Variants in SCOC observed in about 807,000 individuals in gnomAD.
SCOC encodes short coiled-coil protein, also known as short coiled coil protein.
In SCOC, 7 loss-of-function variants were observed where a neutral mutation model predicts 9.9. The observed-to-expected ratio is 0.71, with a 90% confidence interval of 0.40 to 1.33. SCOC has a LOEUF of 1.33. Among genes scored for constraint, SCOC ranks in the 40% most tolerant of loss-of-function variants. The pLI is 0.01. For missense variants in SCOC, 66 were observed against 89.7 expected, an observed-to-expected ratio of 0.74 and a Z score of 1.07; for synonymous variants, 19 against 28.2, an observed-to-expected ratio of 0.67 and a Z score of 1.03.
chr4:140,270,804 G>A (rs1730827313), intron 1 of SCOC, among the ~76,000 whole-genome samples: 1 of 152,140 alleles, frequency 6.6e-6, no homozygotes, highest in African/African-American at 2.4e-5. Flanking sequence ...TCTCTCCAGG[G>A]TCAGCAAGGT....
At chr4:140,270,633 G>A (rs1000636129) in intron 1 of SCOC, among the ~76,000 whole-genome samples, 2 of 152,144 alleles carry the variant, frequency 1.3e-5, no homozygotes, top group African/African-American at 4.8e-5. Context: ...CCTGGCCCTG[G>A]CAATGACTAG....
intron 2 of SCOC, among the ~76,000 whole-genome samples, chr4:140,365,166 A>C (rs911450278): frequency 1.1e-5 from 1 of 87,658 alleles, no homozygotes; most frequent in African/African-American, 5.0e-5. Flanking sequence ...AAAGATATGG[A>C]TATGGCAAAA....
At chr4:140,289,808 T>A (rs1343355440) in intron 1 of SCOC, among the ~76,000 whole-genome samples, 1 of 152,240 alleles carries the variant, frequency 6.6e-6, no homozygotes, top group African/African-American at 2.4e-5. Context: ...GTGCTTATCC[T>A]GCCAGCTCAG....
At chr4:140,347,211 G>T (rs1351711850) in intron 2 of SCOC, among the ~76,000 whole-genome samples, 1 of 152,024 alleles carries the variant, frequency 6.6e-6, no homozygotes, top group Admixed American at 6.6e-5. Context: ...ATGTTAATAA[G>T]ATGTTTGGAT....
chr4:140,297,863 T>G (rs1008337014), intron 1 of SCOC, among the ~76,000 whole-genome samples: 4 of 152,236 alleles, frequency 2.6e-5, no homozygotes, highest in African/African-American at 9.6e-5. Context: ...TTAAGGTTAA[T>G]AGAAACCCCC....
chr4:140,355,084 G>C (rs1172052246), intron 2 of SCOC, among the ~76,000 whole-genome samples: 1 of 151,562 alleles, frequency 6.6e-6, no homozygotes, highest in Non-Finnish European at 1.5e-5. Context: ...TGAGTCAGTG[G>C]GCTGGGAAAC....
chr4:140,302,398 T>C (rs1216244690), intron 1 of SCOC, among the ~76,000 whole-genome samples: 1 of 152,132 alleles, frequency 6.6e-6, no homozygotes. Flanking sequence ...CAAAAAGTAT[T>C]GAGGATATAG....
intron 1 of SCOC, among the ~76,000 whole-genome samples, chr4:140,301,125 G>A (rs1345107345): frequency 1.3e-5 from 2 of 152,178 alleles, no homozygotes; most frequent in African/African-American, 4.8e-5. Flanking sequence ...GATGGAGAGT[G>A]ATAGAAAGCT....
chr4:140,363,461 A>ATACTATG (rs565486398), intron 2 of SCOC, among the ~76,000 whole-genome samples: 82 of 152,354 alleles, frequency 5.4e-4, no homozygotes, highest in Admixed American at 1.1e-3. Context: ...AAATGCATAA[A>ATACTATG]CATATGTAGA....
chr4:140,344,884 T>C (rs1726660590), intron 2 of SCOC, among the ~76,000 whole-genome samples: 1 of 152,044 alleles, frequency 6.6e-6, no homozygotes, highest in Non-Finnish European at 1.5e-5. Context: ...CTTGCTTGCT[T>C]AGAATGTGAC....
At chr4:140,365,172 C>CAAAAA (rs3034544) in intron 2 of SCOC, among the ~76,000 whole-genome samples, 5 of 141,578 alleles carry the variant, frequency 3.5e-5, no homozygotes, top group African/African-American at 1.3e-4. Flanking sequence ...ATGGATATGG[C>CAAAAA]AAAAAAAAAA....
intron 2 of SCOC, chr4:140,360,709 G>T (rs1727427020): frequency 6.6e-6 from 1 of 152,256 alleles, no homozygotes; most frequent in Admixed American, 6.5e-5. Flanking sequence ...TTCAGCCAAT[G>T]TCTGTGGACC....
intron 1 of SCOC, among the ~76,000 whole-genome samples, chr4:140,258,678 C>G (rs2126382732): frequency 6.6e-6 from 1 of 152,300 alleles, no homozygotes; most frequent in South Asian, 2.1e-4. Context: ...GAATCTTCCT[C>G]CAGGGCTTCA....
intron 1 of SCOC, among the ~76,000 whole-genome samples, chr4:140,314,764 G>GT (rs1732262311): frequency 6.6e-6 from 1 of 152,162 alleles, no homozygotes; most frequent in Non-Finnish European, 1.5e-5. Flanking sequence ...AGACACTAGC[G>GT]TGGGGAGCAA....
intron 2 of SCOC, 33 bp from the exon 3 acceptor site, chr4:140,379,536 A>C (rs778538131): frequency 6.8e-7 from 1 of 1,476,628 alleles, no homozygotes; most frequent in East Asian, 2.3e-5. Flanking sequence ...ACCTAATGCT[A>C]ATTAATAGTA....
At chr4:140,329,100 G>T (rs963187158) in intron 1 of SCOC, among the ~76,000 whole-genome samples, 1 of 152,096 alleles carries the variant, frequency 6.6e-6, no homozygotes, top group Non-Finnish European at 1.5e-5. Flanking sequence ...ATAAAAATAC[G>T]CACATAGACC....
chr4:140,321,805 C>A (rs997105645), intron 1 of SCOC, among the ~76,000 whole-genome samples: 4 of 152,280 alleles, frequency 2.6e-5, no homozygotes, highest in African/African-American at 7.2e-5. Context: ...TAATTACTGA[C>A]AGACATTCTT....
At chr4:140,297,526 C>G (rs1009906460) in intron 1 of SCOC, among the ~76,000 whole-genome samples, 1 of 152,170 alleles carries the variant, frequency 6.6e-6, no homozygotes, top group African/African-American at 2.4e-5. Context: ...CATTCATTCT[C>G]TCCTGCCCTC....
At chr4:140,374,296 AAG>A (rs1728229439) in intron 1 of SCOC, 1 of 396,888 alleles carries the variant, frequency 2.5e-6, no homozygotes, top group Non-Finnish European at 5.1e-6. Flanking sequence ...GGAAAGGAGA[AAG>A]AGGATACATT....
Sources: allele counts gnomAD v4.1 joint callset (sites outside exome capture counted in the v4.1 genomes callset), GRCh38; gene constraint gnomAD v4.1.1; transcripts MANE v1.5; gene names NCBI Gene and HGNC (gene_info 2026-07-23, HGNC 2026-07-21).